Variants in MED26 observed in about 807,000 individuals in gnomAD.
MED26 encodes the protein mediator of RNA polymerase II transcription subunit 26.
Under a neutral mutation model 43.7 loss-of-function variants are expected in MED26, and 7 were observed. The ratio of observed to expected loss-of-function variants is 0.16; its 90% CI spans 0.09 to 0.30. MED26 has a LOEUF of 0.30. Among genes scored for constraint, MED26 ranks in the 10% least tolerant of loss-of-function variants. MED26 has a pLI of 1.00. For missense variants in MED26, 784 were observed against 840.6 expected (o/e 0.93, Z 0.83); for synonymous variants, 375 against 371.1 (o/e 1.01, Z -0.12).
chr19:16,601,339 G>C (rs2086148436), intron 1 of MED26, among the ~76,000 whole-genome samples: 1 of 152,050 alleles, frequency 6.6e-6, no homozygotes, highest in African/African-American at 2.4e-5. Context: ...ATTTTTAGTA[G>C]AGACAGGGTT....
Position 16,576,638 on chromosome 19 carries a change from G to T in MED26, c.1192C>A (p.Arg398=), listed in dbSNP as rs1234817208. The change falls in exon 3 of 3, where the codon CGA becomes AGA. Residue 398 remains arginine (R), a synonymous_variant. Transcript: ENST00000263390. This position sits in a 1 kb window ranked among gnomAD's most constrained non-coding sequence, Gnocchi z 6.8. The part of the protein sequence containing the change: ...GSDSKKKKRY[R]PRDYTVNLDG... ...AAGTTAACCGTATAGTCTCGAGGTC[G>T]GTACCTCTTCTTCTTTTTACTGTCC... is the stretch of plus-strand genomic sequence containing the variant. The T allele has an allele frequency of 3.1e-6, 5 of 1,614,026 alleles. No individual in the cohort carries two copies. In the South Asian group the frequency reaches 5.5e-5, roughly 18 times the overall value.
chr19:16,615,283 C>A (rs1051079138), intron 1 of MED26, among the ~76,000 whole-genome samples: 1 of 152,098 alleles, frequency 6.6e-6, no homozygotes. Context: ...TGATGAGCAG[C>A]TGAGCATGGC....
At chr19:16,606,036 G>A (rs1482252006) in intron 1 of MED26, among the ~76,000 whole-genome samples, 1 of 152,214 alleles carries the variant, frequency 6.6e-6, no homozygotes, top group Admixed American at 6.5e-5. Flanking sequence ...AAGGGATAGA[G>A]CATCGGATCA....
intron 1 of MED26, among the ~76,000 whole-genome samples, chr19:16,602,957 TA>T (rs1197533123): frequency 6.6e-6 from 1 of 152,180 alleles, no homozygotes; most frequent in African/African-American, 2.4e-5. Flanking sequence ...ACTGTACAGT[TA>T]AAAACAGCTA....
intron 1 of MED26, among the ~76,000 whole-genome samples, chr19:16,585,409 A>T (rs990788591): frequency 1.3e-5 from 2 of 152,166 alleles, no homozygotes; most frequent in Non-Finnish European, 2.9e-5. Context: ...GGCCCAGACC[A>T]GGAGGGAGGA....
intron 1 of MED26, among the ~76,000 whole-genome samples, chr19:16,598,585 C>CA (rs1207196407): frequency 2.0e-5 from 3 of 152,120 alleles, no homozygotes; most frequent in East Asian, 1.9e-4. Context: ...AGCAACACAG[C>CA]AAAAAAATCC....
At chr19:16,591,047 TAAAATAAA>T (rs1187342018) in intron 1 of MED26, among the ~76,000 whole-genome samples, 2 of 107,912 alleles carry the variant, frequency 1.9e-5, no homozygotes, top group African/African-American at 7.5e-5. Flanking sequence ...CAAAATAAAA[TAAAATAAA>T]TAAATAAATA....
At position 16,595,990 on chromosome 19, in the gene MED26, A is replaced by G. The variant is rs528089655; in HGVS notation, c.73-17581T>C. Among the ~76,000 whole-genome samples the G allele has an allele frequency of 3.3e-5, 5 of 152,260 alleles. No homozygotes were observed. The South Asian group carries it at 1.0e-3, about 32-fold the overall frequency. On this transcript the variant is annotated intron_variant, in intron 1 of 2. Coordinates refer to ENST00000263390, the MANE Select transcript of MED26 (RefSeq NM_004831.5). ...AAGAGAGTTCAAATACTGTCATGGCAACTGGTACTGCCTCAACTTTTTTCT... is the reference window on the plus strand; with the variant it reads ...AAGAGAGTTCAAATACTGTCATGGCGACTGGTACTGCCTCAACTTTTTTCT...
At chr19:16,625,881 A>G (rs985850849) in intron 1 of MED26, among the ~76,000 whole-genome samples, 3 of 152,308 alleles carry the variant, frequency 2.0e-5, no homozygotes, top group Admixed American at 2.0e-4. Flanking sequence ...AGTCAAGAAG[A>G]TAACTTCCCA....
At chr19:16,619,769 C>T (rs1239753725) in intron 1 of MED26, among the ~76,000 whole-genome samples, 1 of 152,210 alleles carries the variant, frequency 6.6e-6, no homozygotes, top group Non-Finnish European at 1.5e-5. Flanking sequence ...CCCTATAAAA[C>T]CATGCTGTGC....
At chr19:16,578,990 A>C (rs1244334864) in intron 1 of MED26, among the ~76,000 whole-genome samples, 1 of 152,162 alleles carries the variant, frequency 6.6e-6, no homozygotes, top group African/African-American at 2.4e-5. Flanking sequence ...AGTTCCAGCT[A>C]CTTGGGAGGC....
chr19:16,605,062 A>G (rs1181473233), intron 1 of MED26, among the ~76,000 whole-genome samples: 2 of 152,154 alleles, frequency 1.3e-5, no homozygotes, highest in African/African-American at 4.8e-5. Flanking sequence ...GGGAGGGAGA[A>G]CTTTTTAAGT....
At chr19:16,597,053 C>T (rs1257465000) in intron 1 of MED26, among the ~76,000 whole-genome samples, 2 of 152,198 alleles carry the variant, frequency 1.3e-5, no homozygotes, top group South Asian at 2.1e-4. Context: ...AACAGTGCCC[C>T]CAGGTTCATG....
chr19:16,621,337 C>T (rs2086250721), intron 1 of MED26, among the ~76,000 whole-genome samples: 1 of 152,248 alleles, frequency 6.6e-6, no homozygotes, highest in Non-Finnish European at 1.5e-5. Flanking sequence ...GTGTCTGGCA[C>T]TGTGTAAGTG....
intron 1 of MED26, among the ~76,000 whole-genome samples, chr19:16,609,336 A>AAAAAAAAAAGAGAGAGAG (rs765489188): frequency 2.2e-4 from 32 of 142,362 alleles, no homozygotes; most frequent in Non-Finnish European, 4.1e-4. Context: ...AAAAAAAAAA[A>AAAAAAAAAAGAGAGAGAG]AGAGAGAGAA....
At chr19:16,626,397 TAGA>T (rs777970326) in intron 1 of MED26, among the ~76,000 whole-genome samples, 1 of 152,316 alleles carries the variant, frequency 6.6e-6, no homozygotes, top group South Asian at 2.1e-4. Flanking sequence ...AAGGACATTC[TAGA>T]AGGTTTTATA....
intron 1 of MED26, chr19:16,578,882 C>G (rs2086028702): frequency 6.4e-6 from 1 of 156,554 alleles, no homozygotes; most frequent in African/African-American, 2.4e-5. Flanking sequence ...GAAGGCGGAT[C>G]AGAAGGTCAG....
rs1468174226 is a variant in MED26 at position 16,586,457 on chromosome 19, TG to T, written c.73-8049del. 6.6e-6 allele frequency among the ~76,000 whole-genome samples: 1 copy of T among 152,250 alleles called. No homozygotes were observed. Among genetic ancestry groups the T allele is most frequent in the Non-Finnish European group, 1.5e-5 (1 of 68,032 alleles). ...CCAGCCTGTGGTGATGTCGGCACTC[TG>T]TAAAGACTCTCCTGACGTGCTCCTG... On this transcript the variant is annotated intron_variant, in intron 1 of 2. Transcript: ENST00000263390. This position sits in a 1 kb window ranked among gnomAD's most constrained non-coding sequence, Gnocchi z 5.1.
chr19:16,627,728 G>A (rs1404950822), intron 1 of MED26, 144 bp downstream of exon 1: 2 of 512,406 alleles, frequency 3.9e-6, no homozygotes, highest in East Asian at 3.5e-5. Context: ...GGCCCGAGAA[G>A]CGAGAGGCAG....
Sources: gnomAD v4.1 joint callset for allele counts (sites outside exome capture counted in the v4.1 genomes callset) on GRCh38, gnomAD v4.1.1 for gene constraint, Gnocchi (gnomAD v3.1) non-coding constraint, MANE v1.5 for transcripts, NCBI Gene and HGNC (gene_info 2026-07-23, HGNC 2026-07-21) for gene names.